CNTN5: variants seen among roughly 807,000 people sequenced by gnomAD.
CNTN5 encodes the protein contactin-5.
In CNTN5, 77 loss-of-function variants were observed where a neutral mutation model predicts 129.1. That is an observed-to-expected ratio of 0.60 (90% confidence interval 0.50 to 0.72). CNTN5 has a LOEUF of 0.72. CNTN5 is among the 30% of genes least tolerant of loss of function. The pLI is 0.00. For missense variants in CNTN5, 1,478 were observed against 1,328.8 expected, an observed-to-expected ratio of 1.11 and a Z score of -1.75; for synonymous variants, 509 against 465.6, an observed-to-expected ratio of 1.09 and a Z score of -1.20.
intron 2 of CNTN5, among the ~76,000 whole-genome samples, chr11:99,455,329 C>T (rs1423069240): frequency 6.6e-6 from 1 of 151,746 alleles, no homozygotes; most frequent in Non-Finnish European, 1.5e-5. Flanking sequence ...TTGGGATAAC[C>T]ATTAACAGTA....
At chr11:99,434,129 A>G (rs116461430) in intron 2 of CNTN5, among the ~76,000 whole-genome samples, 79 of 152,212 alleles carry the variant, frequency 5.2e-4, no homozygotes, top group African/African-American at 1.8e-3. Context: ...AATTTGTTTT[A>G]TTATTTAATT....
At chr11:99,839,020 C>A (rs952787230) in intron 4 of CNTN5, among the ~76,000 whole-genome samples, 1 of 151,844 alleles carries the variant, frequency 6.6e-6, no homozygotes, top group African/African-American at 2.4e-5. Context: ...AAATTCTTCA[C>A]AAGTAGGTTT....
At chr11:99,556,587 A>ATATC (rs1948678573) in intron 3 of CNTN5, among the ~76,000 whole-genome samples, 1 of 135,560 alleles carries the variant, frequency 7.4e-6, no homozygotes, top group Admixed American at 7.5e-5. Flanking sequence ...ATATATATAT[A>ATATC]TATATATCTC....
At chr11:99,919,990 A>G (rs1186715349) in intron 7 of CNTN5, among the ~76,000 whole-genome samples, 4 of 151,972 alleles carry the variant, frequency 2.6e-5, no homozygotes, top group African/African-American at 9.7e-5. Context: ...ACAATCTGCA[A>G]TCTATGTATG....
At chr11:99,204,283 G>A (rs1307094792) in intron 1 of CNTN5, among the ~76,000 whole-genome samples, 1 of 152,122 alleles carries the variant, frequency 6.6e-6, no homozygotes, top group Non-Finnish European at 1.5e-5. Flanking sequence ...TGACAGAATG[G>A]AGACAGAAAA....
intron 3 of CNTN5, among the ~76,000 whole-genome samples, chr11:99,559,668 A>G (rs1948777874): frequency 6.6e-6 from 1 of 152,190 alleles, no homozygotes. Flanking sequence ...GCTAAACACA[A>G]TTTTGTCATA....
intron 1 of CNTN5, among the ~76,000 whole-genome samples, chr11:99,146,864 G>A (rs1187778033): frequency 6.6e-6 from 1 of 151,996 alleles, no homozygotes; most frequent in African/African-American, 2.4e-5. Flanking sequence ...TGAGACTACA[G>A]GCACGTGCCA....
At chr11:99,838,061 A>G (rs1386811632) in intron 4 of CNTN5, among the ~76,000 whole-genome samples, 1 of 152,166 alleles carries the variant, frequency 6.6e-6, no homozygotes, top group African/African-American at 2.4e-5. Flanking sequence ...TGTAACTACC[A>G]GAAAATCTTG....
At chr11:100,113,815 T>C (rs114671740) in intron 13 of CNTN5, among the ~76,000 whole-genome samples, 3,077 of 152,162 alleles carry the variant, frequency 0.02, 103 homozygotes, top group African/African-American at 0.069. Flanking sequence ...AGATTTTTGT[T>C]TCCACACAAG....
At chr11:100,037,824 T>C (rs553329117) in intron 9 of CNTN5, among the ~76,000 whole-genome samples, 1 of 152,288 alleles carries the variant, frequency 6.6e-6, no homozygotes, top group East Asian at 1.9e-4. Flanking sequence ...ATCCCCTTTA[T>C]CATTTTTTAT....
Position 99,526,542 on chromosome 11 carries a change from A to T in CNTN5, c.-70-29603A>T, listed in dbSNP as rs548865325. Among the ~76,000 whole-genome samples the T allele has an allele frequency of 1.2e-4, 19 of 152,338 alleles. No individual in the cohort carries two copies. The East Asian group carries it at 3.7e-3, about 29-fold the overall frequency. ...GCTTCGTTGACAGTGATGCATTGAT[A>T]GTTTGGGGGCAAATCTTCCTAGGTT... is the stretch of plus-strand genomic sequence containing the variant. On this transcript the variant is annotated intron_variant, in intron 2 of 24. Coordinates refer to ENST00000524871, the MANE Select transcript of CNTN5 (RefSeq NM_014361.4).
At chr11:99,090,317 GT>G in intron 1 of CNTN5, among the ~76,000 whole-genome samples, 1 of 152,114 alleles carries the variant, frequency 6.6e-6, no homozygotes, top group Non-Finnish European at 1.5e-5. Context: ...TTATGGGCCT[GT>G]TGTGGCTTAT....
intron 13 of CNTN5, among the ~76,000 whole-genome samples, chr11:100,109,001 T>A (rs534868534): frequency 2.0e-4 from 31 of 152,266 alleles, no homozygotes; most frequent in Admixed American, 3.3e-4. Context: ...TAATGATACT[T>A]CAACACCCTT....
At chr11:100,140,629 G>A (rs761959942) in intron 13 of CNTN5, among the ~76,000 whole-genome samples, 7 of 152,168 alleles carry the variant, frequency 4.6e-5, no homozygotes, top group South Asian at 2.1e-4. Context: ...GACCAGAGGC[G>A]TGAAGAGCCG....
At chr11:99,987,228 G>C (rs1269053673) in intron 8 of CNTN5, among the ~76,000 whole-genome samples, 1 of 152,024 alleles carries the variant, frequency 6.6e-6, no homozygotes, top group Non-Finnish European at 1.5e-5. Flanking sequence ...GGGACTGTGT[G>C]AGGATCCAAA....
intron 1 of CNTN5, among the ~76,000 whole-genome samples, chr11:99,100,939 T>G (rs1358991568): frequency 6.6e-6 from 1 of 152,182 alleles, no homozygotes; most frequent in African/African-American, 2.4e-5. Context: ...GCAATAAGAA[T>G]TAATATGATT....
At chr11:99,095,237 G>C (rs545218679) in intron 1 of CNTN5, among the ~76,000 whole-genome samples, 1 of 151,956 alleles carries the variant, frequency 6.6e-6, no homozygotes, top group Admixed American at 6.6e-5. Flanking sequence ...ATGTATGTAT[G>C]ATTTGGAAAT....
At chr11:99,810,210 C>A (rs907502237) in intron 3 of CNTN5, among the ~76,000 whole-genome samples, 1 of 152,084 alleles carries the variant, frequency 6.6e-6, no homozygotes, top group African/African-American at 2.4e-5. Flanking sequence ...TCTGTGAATA[C>A]AACTAAGAAT....
At chr11:99,952,070 T>C (rs1950689603) in intron 7 of CNTN5, among the ~76,000 whole-genome samples, 1 of 152,176 alleles carries the variant, frequency 6.6e-6, no homozygotes, top group African/African-American at 2.4e-5. Flanking sequence ...TAGTGACTTT[T>C]TCTGTTTCAA....
Sources: allele counts gnomAD v4.1 joint callset (sites outside exome capture counted in the v4.1 genomes callset), GRCh38; gene constraint gnomAD v4.1.1; transcripts MANE v1.5; gene names NCBI Gene and HGNC (gene_info 2026-07-23, HGNC 2026-07-21).